ZCCHC17: variants seen among roughly 807,000 people sequenced by gnomAD.
ZCCHC17 encodes zinc finger CCHC domain-containing protein 17.
In ZCCHC17, 18 loss-of-function variants were observed where a neutral mutation model predicts 30.6. The observed-to-expected ratio is 0.59, with a 90% CI of 0.41 to 0.87. The LOEUF (loss-of-function observed/expected upper bound fraction) is 0.87, where lower values mean the gene tolerates loss of function less well. Ranked by LOEUF, ZCCHC17 falls within the 40% of genes least tolerant of loss-of-function variation. The pLI is 0.00. For missense variants in ZCCHC17, 263 were observed against 284.2 expected (o/e 0.93, Z 0.54); for synonymous variants, 88 against 92.4 (o/e 0.95, Z 0.27).
chr1:31,325,643 G>A lies in ZCCHC17; in HGVS notation c.124+6477G>A, dbSNP rs1040182318. Reference sequence around the variant, plus strand: ...TCCCTCGCCACTCCGAGCCTGGCTCGCCCTTGGCAGGTGTGGGATCTGGGA... The same window carrying A: ...TCCCTCGCCACTCCGAGCCTGGCTCACCCTTGGCAGGTGTGGGATCTGGGA... On this transcript the variant is annotated intron_variant, in intron 3 of 7. Transcript: ENST00000344147. 2.0e-5 allele frequency among the ~76,000 whole-genome samples: 3 copies of A among 152,232 alleles called. No individual in the cohort carries two copies. In the East Asian group the frequency reaches 5.8e-4, roughly 29 times the overall value.
chr1:31,355,354 G>A (rs200938898), intron 7 of ZCCHC17, among the ~76,000 whole-genome samples: 19 of 151,946 alleles, frequency 1.3e-4, no homozygotes, highest in African/African-American at 3.1e-4. Context: ...TGTTAATCCC[G>A]TCATTACCTT....
At chr1:31,353,390 A>C (rs1159957866) in intron 7 of ZCCHC17, among the ~76,000 whole-genome samples, 1 of 152,188 alleles carries the variant, frequency 6.6e-6, no homozygotes, top group East Asian at 1.9e-4. Flanking sequence ...AATAGTGGTA[A>C]AGAACATATA....
chr1:31,339,960 C>CTTTTTTTTTTTTTTTTTTTTT (rs36008834), intron 5 of ZCCHC17, among the ~76,000 whole-genome samples: 6 of 90,424 alleles, frequency 6.6e-5, no homozygotes, highest in African/African-American at 1.7e-4. Flanking sequence ...TCTTGGATTT[C>CTTTTTTTTTTTTTTTTTTTTT]TTTTTTTTTT....
chr1:31,309,154 A>C (rs890000962), intron 1 of ZCCHC17, among the ~76,000 whole-genome samples: 7 of 152,186 alleles, frequency 4.6e-5, no homozygotes, highest in African/African-American at 1.4e-4. Flanking sequence ...CTTCAGATTT[A>C]ATACCTTAGC....
intron 1 of ZCCHC17, among the ~76,000 whole-genome samples, chr1:31,306,761 T>G (rs1196072592): frequency 6.6e-6 from 1 of 152,172 alleles, no homozygotes; most frequent in Admixed American, 6.5e-5. Flanking sequence ...TTGATCTCCT[T>G]GGCTCAAGCG....
At chr1:31,312,922 A>G (rs945050968) in intron 2 of ZCCHC17, among the ~76,000 whole-genome samples, 3 of 151,948 alleles carry the variant, frequency 2.0e-5, no homozygotes, top group Non-Finnish European at 4.4e-5. Flanking sequence ...ACAGGCGCCC[A>G]CCACCACACC....
At chr1:31,331,825 T>C (rs1251662930) in intron 3 of ZCCHC17, among the ~76,000 whole-genome samples, 1 of 151,528 alleles carries the variant, frequency 6.6e-6, no homozygotes, top group Non-Finnish European at 1.5e-5. Context: ...TTGGGCAGGA[T>C]GCTCTCGATC....
chr1:31,318,256 A>G (rs1450530436), intron 2 of ZCCHC17: 3 of 1,500,478 alleles, frequency 2.0e-6, no homozygotes, highest in Admixed American at 4.0e-5. Flanking sequence ...ATTATATTGA[A>G]TATTTTACAA....
chr1:31,317,759 C>A (rs1646772059), intron 2 of ZCCHC17, among the ~76,000 whole-genome samples: 1 of 152,184 alleles, frequency 6.6e-6, no homozygotes, highest in Non-Finnish European at 1.5e-5. Context: ...CGTTGCACAG[C>A]ACCCAGATAC....
At chr1:31,326,077 G>A (rs1638332224) in intron 3 of ZCCHC17, among the ~76,000 whole-genome samples, 1 of 151,744 alleles carries the variant, frequency 6.6e-6, no homozygotes, top group Non-Finnish European at 1.5e-5. Context: ...ACTTTGTATA[G>A]CATCTCTCTT....
At chr1:31,329,935 G>A (rs113437449) in intron 3 of ZCCHC17, among the ~76,000 whole-genome samples, 3 of 152,166 alleles carry the variant, frequency 2.0e-5, no homozygotes, top group Admixed American at 6.5e-5. Flanking sequence ...TAGTTTAAGC[G>A]TTTAGTAAAT....
intron 1 of ZCCHC17, among the ~76,000 whole-genome samples, chr1:31,298,113 G>C (rs1318524631): frequency 6.6e-6 from 1 of 152,222 alleles, no homozygotes; most frequent in Non-Finnish European, 1.5e-5. Flanking sequence ...TGGACCACTT[G>C]GGATATGCAG....
chr1:31,299,328 A>G (rs1569707032), intron 1 of ZCCHC17, among the ~76,000 whole-genome samples: 2 of 133,602 alleles, frequency 1.5e-5, no homozygotes, highest in Non-Finnish European at 3.1e-5. Context: ...GGATGCAAGG[A>G]AAAAAAAAAT....
intron 1 of ZCCHC17, among the ~76,000 whole-genome samples, chr1:31,305,506 T>A (rs1392164313): frequency 6.6e-6 from 1 of 152,166 alleles, no homozygotes; most frequent in Non-Finnish European, 1.5e-5. Context: ...TCCAGGCTGG[T>A]CTTGAACTCC....
intron 1 of ZCCHC17, among the ~76,000 whole-genome samples, chr1:31,301,986 G>A (rs1646324124): frequency 6.6e-6 from 1 of 152,178 alleles, no homozygotes; most frequent in South Asian, 2.1e-4. Context: ...CTAACACTTT[G>A]GGAGGCCGAG....
chr1:31,330,007 C>A (rs1310485556), intron 3 of ZCCHC17, among the ~76,000 whole-genome samples: 1 of 152,208 alleles, frequency 6.6e-6, no homozygotes, highest in African/African-American at 2.4e-5. Context: ...CACGAATGTG[C>A]TTATATTATT....
rs190991470 is a variant in ZCCHC17, at chr1:31,297,051, C to T, written c.-80C>T. 120 of 444,294 alleles carry T rather than the reference C, an allele frequency of 2.7e-4. No individual in the cohort carries two copies. The Middle Eastern group carries it at 2.9e-3, about 11-fold the overall frequency. 27.5% of individuals were successfully genotyped at this position (444,294 alleles called of 1,614,324 possible). A position where few individuals can be genotyped will look rare whatever the true frequency, so the allele number is the denominator to read the frequency against. On this transcript the variant is annotated 5_prime_UTR_variant, in exon 1 of 8. Coordinates refer to ENST00000344147, the MANE Select transcript of ZCCHC17 (RefSeq NM_016505.4). ...GTCGGCGTTTAGTTCAGCGCAGCGACTCGGGGACCTGGAGCTGACGCCTAG... is the reference window on the plus strand; with the variant it reads ...GTCGGCGTTTAGTTCAGCGCAGCGATTCGGGGACCTGGAGCTGACGCCTAG...
chr1:31,347,787 T>A (rs889878290), intron 6 of ZCCHC17, among the ~76,000 whole-genome samples: 2 of 152,124 alleles, frequency 1.3e-5, no homozygotes, highest in Non-Finnish European at 2.9e-5. Flanking sequence ...TTTTTAAAAA[T>A]TTTTTGTAGA....
intron 7 of ZCCHC17, among the ~76,000 whole-genome samples, chr1:31,352,344 G>C (rs1345304760): frequency 6.6e-6 from 1 of 152,012 alleles, no homozygotes; most frequent in Non-Finnish European, 1.5e-5. Flanking sequence ...TGCAACCACT[G>C]TTCTACTTTC....
Sources: allele counts gnomAD v4.1 joint callset (sites outside exome capture counted in the v4.1 genomes callset), GRCh38; gene constraint gnomAD v4.1.1; transcripts MANE v1.5; gene names NCBI Gene and HGNC (gene_info 2026-07-23, HGNC 2026-07-21).